The following TOX2 variants were observed in gnomAD, a reference collection of about 807,000 sequenced individuals.
TOX2 encodes the protein TOX high mobility group box family member 2.
In TOX2, 15 loss-of-function variants were observed where a neutral mutation model predicts 47.4. That is an observed-to-expected ratio of 0.32 (90% CI 0.21 to 0.49). The LOEUF (loss-of-function observed/expected upper bound fraction) is 0.49. Among genes scored for constraint, TOX2 ranks in the 20% least tolerant of loss-of-function variants. TOX2 has a pLI of 0.99. For synonymous variants in TOX2, 290 were observed against 296.6 expected (o/e 0.98, Z 0.23); for missense variants, 622 against 673.1 (o/e 0.92, Z 0.84).
rs756074131 is a variant in TOX2 at position 44,068,966 on chromosome 20, G to T, written c.*280G>T. 7 of 587,058 alleles carry T rather than the reference G, an allele frequency of 1.2e-5. No homozygotes were observed. Among genetic ancestry groups the T allele is most frequent in the Non-Finnish European group, 1.6e-5 (5 of 308,826 alleles). 36.4% of individuals were successfully genotyped at this position (587,058 alleles called of 1,614,324 possible). Reference sequence around the variant, plus strand: ...GGACCCTGTCCTCGCCCTGCGCACGGTACCCTATGTCTGGACACCCGGCCC... The same window carrying T: ...GGACCCTGTCCTCGCCCTGCGCACGTTACCCTATGTCTGGACACCCGGCCC... On this transcript the variant is annotated 3_prime_UTR_variant, in exon 9 of 9. Transcript: ENST00000341197.
At chr20:43,925,980 G>A (rs967002193) in intron 1 of TOX2, among the ~76,000 whole-genome samples, 8 of 152,210 alleles carry the variant, frequency 5.3e-5, no homozygotes, top group Admixed American at 2.6e-4. Flanking sequence ...GTGGAAGAGT[G>A]TATCACTGGC....
At chr20:43,951,818 C>A (rs6073261) in intron 1 of TOX2, among the ~76,000 whole-genome samples, 1 of 148,634 alleles carries the variant, frequency 6.7e-6, no homozygotes, top group East Asian at 2.0e-4. Flanking sequence ...CTCAAGCACT[C>A]CTCCCATCTT....
At chr20:43,927,323 G>A (rs993413898) in intron 1 of TOX2, among the ~76,000 whole-genome samples, 10 of 152,056 alleles carry the variant, frequency 6.6e-5, no homozygotes, top group Non-Finnish European at 1.3e-4. Flanking sequence ...AAAGGGTTTG[G>A]TTAACCCTTT....
chr20:43,933,725 G>T (rs6031246), intron 1 of TOX2, among the ~76,000 whole-genome samples: 2,568 of 152,256 alleles, frequency 0.017, 77 homozygotes, highest in African/African-American at 0.059. Flanking sequence ...GGGCTGCCCA[G>T]GACAGGGAGA....
rs771823708 is a variant in TOX2, at chr20:44,069,594, T to C, written c.*908T>C. On this transcript the variant is annotated 3_prime_UTR_variant, in exon 9 of 9. Transcript: ENST00000341197. The stretch of plus-strand genomic sequence containing the variant: ...GTGCTTCTCTCAAATCTCTTTATAA[T>C]AAAACTTCTGAAAAGCTGAAAACAA... 1 of 152,730 alleles carries C rather than the reference T, an allele frequency of 6.5e-6. No homozygotes were observed. Among genetic ancestry groups the C allele is most frequent in the Non-Finnish European group, 1.5e-5 (1 of 68,096 alleles). 9.5% of individuals were successfully genotyped at this position (152,730 alleles called of 1,614,324 possible).
chr20:43,937,162 C>T (rs1016450119), intron 1 of TOX2, among the ~76,000 whole-genome samples: 2 of 152,176 alleles, frequency 1.3e-5, no homozygotes, highest in Middle Eastern at 3.4e-3. Context: ...ATGATGGGCA[C>T]GGGGGAAGCA....
chr20:43,965,883 A>C (rs988219413), intron 1 of TOX2, among the ~76,000 whole-genome samples: 3 of 152,188 alleles, frequency 2.0e-5, no homozygotes, highest in African/African-American at 7.2e-5. Context: ...TAAATAACGT[A>C]GGGGAGGTTG....
chr20:44,033,466 G>A (rs1316743388), intron 3 of TOX2, among the ~76,000 whole-genome samples: 7 of 152,100 alleles, frequency 4.6e-5, no homozygotes, highest in African/African-American at 1.7e-4. Context: ...ATATCAAAAG[G>A]GGCTTTGCAG....
intron 3 of TOX2, among the ~76,000 whole-genome samples, chr20:44,014,860 G>A (rs2070849374): frequency 6.6e-6 from 1 of 152,228 alleles, no homozygotes; most frequent in Non-Finnish European, 1.5e-5. Context: ...ATAGTGGGAG[G>A]GCCCCAGCTG....
At chr20:44,006,450 T>C in intron 2 of TOX2, 97 bp from the exon 3 acceptor site, 2 of 1,514,454 alleles carry the variant, frequency 1.3e-6, no homozygotes, top group Admixed American at 4.0e-5. Flanking sequence ...GCCAAGGGGT[T>C]GCTATCGTTA....
intron 1 of TOX2, among the ~76,000 whole-genome samples, chr20:43,941,657 G>C (rs989822000): frequency 6.6e-6 from 1 of 152,126 alleles, no homozygotes; most frequent in African/African-American, 2.4e-5. Context: ...TTTTATTTGC[G>C]TAAGCTCACA....
rs34317120 is a variant in TOX2, at chr20:44,012,109, A to C, written c.411+5317A>C. Among the ~76,000 whole-genome samples the C allele has an allele frequency of 4.0e-3, 610 of 152,344 alleles. 3 individuals carry two copies. Among genetic ancestry groups the C allele is most frequent in the Non-Finnish European group, 6.5e-3 (441 of 68,034 alleles). ...TGACCCTGATTTTCATAACTCAATA[A>C]TTTTATCCTGTGTTGATTGTCTCAT... On this transcript the variant is annotated intron_variant, in intron 3 of 8. Coordinates refer to ENST00000341197, the MANE Select transcript of TOX2 (RefSeq NM_001098797.2).
At chr20:44,057,323 C>T (rs1017444474) in intron 5 of TOX2, among the ~76,000 whole-genome samples, 5 of 152,164 alleles carry the variant, frequency 3.3e-5, no homozygotes, top group Non-Finnish European at 5.9e-5. Flanking sequence ...TCAGCAATGG[C>T]GGGGATAGTG....
chr20:44,006,253 G>A (rs976379843), intron 2 of TOX2, among the ~76,000 whole-genome samples: 3 of 152,136 alleles, frequency 2.0e-5, no homozygotes, highest in African/African-American at 7.2e-5. Context: ...GACTGTGATG[G>A]CCAGATCTGG....
chr20:43,929,973 G>A (rs890518317), intron 1 of TOX2, among the ~76,000 whole-genome samples: 3 of 152,314 alleles, frequency 2.0e-5, no homozygotes, highest in South Asian at 4.1e-4. Context: ...CTCCCGAAGC[G>A]CTGGGATTAC....
At chr20:43,952,578 C>T (rs2069598238) in intron 1 of TOX2, among the ~76,000 whole-genome samples, 1 of 152,162 alleles carries the variant, frequency 6.6e-6, no homozygotes, top group Admixed American at 6.5e-5. Flanking sequence ...CTTTTTTATA[C>T]TTCTACCCAG....
At chr20:43,941,097 G>A (rs573504740) in intron 1 of TOX2, among the ~76,000 whole-genome samples, 1 of 152,030 alleles carries the variant, frequency 6.6e-6, no homozygotes, top group South Asian at 2.1e-4. Context: ...GTAATCACAG[G>A]GTTTAAAATT....
intron 5 of TOX2, among the ~76,000 whole-genome samples, chr20:44,056,481 C>T (rs920176019): frequency 2.0e-5 from 3 of 152,186 alleles, no homozygotes; most frequent in East Asian, 1.9e-4. Flanking sequence ...GTCTCAAGTC[C>T]TATGTCCCCG....
At chr20:43,951,347 G>A (rs951463070) in intron 1 of TOX2, among the ~76,000 whole-genome samples, 2 of 152,248 alleles carry the variant, frequency 1.3e-5, no homozygotes, top group Middle Eastern at 3.4e-3. Context: ...GGCTGAGGCG[G>A]GTGGATCACT....
Sources: allele counts gnomAD v4.1 joint callset (sites outside exome capture counted in the v4.1 genomes callset), GRCh38; gene constraint gnomAD v4.1.1; transcripts MANE v1.5; gene names NCBI Gene and HGNC (gene_info 2026-07-23, HGNC 2026-07-21).